ERCC6: variants seen among roughly 807,000 people sequenced by gnomAD.
The protein encoded by ERCC6 is DNA excision repair protein ERCC-6.
A neutral mutation model predicts 158.7 loss-of-function variants in ERCC6; 116 were observed. The ratio of observed to expected loss-of-function variants is 0.73; its 90% CI spans 0.63 to 0.85. ERCC6 has a LOEUF of 0.85. Among genes scored for constraint, ERCC6 ranks in the 40% least tolerant of loss-of-function variants. The probability of loss-of-function intolerance (pLI) is 0.00; values close to 1 mark genes in which losing one functional copy is unlikely to be tolerated. For synonymous variants in ERCC6, 678 were observed against 659.3 expected (o/e 1.03, Z -0.43); for missense variants, 1,698 against 1,799.4 (o/e 0.94, Z 1.02).
At chr10:49,438,109 A>T in the ERCC6 span, among the ~76,000 whole-genome samples, 1 of 152,208 alleles carries the variant, frequency 6.6e-6, no homozygotes, top group African/African-American at 2.4e-5. Context: ...CACACTGCAG[A>T]TCCAACCACA....
downstream of ERCC6, among the ~76,000 whole-genome samples, chr10:49,449,560 C>CTTTTTTTTTTT (rs71026248): frequency 8.8e-5 from 6 of 68,064 alleles, no homozygotes; most frequent in African/African-American, 3.1e-4. Flanking sequence ...ATAGTTAGGT[C>CTTTTTTTTTTT]TTTTTTTTTT....
chr10:49,523,888 C>A (rs1343310773), intron 5 of ERCC6, 145 bp downstream of exon 5: 67 of 1,204,280 alleles, frequency 5.6e-5, no homozygotes, highest in Non-Finnish European at 7.3e-5. Flanking sequence ...CTGCTTCTAG[C>A]AGGTTAAGGC....
chr10:49,443,911 T>C, the ERCC6 span, among the ~76,000 whole-genome samples: 1 of 152,182 alleles, frequency 6.6e-6, no homozygotes, highest in African/African-American at 2.4e-5. Context: ...TGTCCTCATA[T>C]CCCTGTCATT....
At chr10:49,447,186 A>G in the ERCC6 span, among the ~76,000 whole-genome samples, 1,289 of 152,364 alleles carry the variant, frequency 8.5e-3, 22 homozygotes, top group African/African-American at 0.029. Context: ...ATATCCACAA[A>G]GGAACAACTT....
In ERCC6 at chr10:49,483,054, A is replaced by T. The variant is rs56318749; in HGVS notation, c.1993-191T>A. Among the ~76,000 whole-genome samples the T allele has an allele frequency of 1.7e-3, 264 of 152,336 alleles. 1 individual carries two copies. Among genetic ancestry groups the T allele is most frequent in the African/African-American group, 6.0e-3 (250 of 41,574 alleles). On this transcript the variant is annotated intron_variant, in intron 9 of 20. Transcript: ENST00000355832. Reference sequence around the variant, plus strand: ...TTACATTTAGATGAAAAAATGAGAAAGAATTTTTTCTTATTGTTGAAGCTG... The same window carrying T: ...TTACATTTAGATGAAAAAATGAGAATGAATTTTTTCTTATTGTTGAAGCTG...
chr10:49,458,670 A>T lies in ERCC6; in HGVS notation c.*145T>A. On this transcript the variant is annotated 3_prime_UTR_variant, in exon 21 of 21. Transcript: ENST00000355832. ...TTCAGAGAAGAGTTTCTTCTTCCTT[A>T]AAGTTTTAATTCTGAGGTAGACATC... 1.3e-6 allele frequency: 1 copy of T among 773,074 alleles called. No individual in the cohort carries two copies. The highest frequency in any genetic ancestry group is 2.1e-6 in the Non-Finnish European group (1 of 473,110). 47.9% of individuals were successfully genotyped at this position (773,074 alleles called of 1,614,324 possible).
chr10:49,512,428 T>TA (rs1182995284), intron 5 of ERCC6, among the ~76,000 whole-genome samples: 1 of 152,200 alleles, frequency 6.6e-6, no homozygotes, highest in Non-Finnish European at 1.5e-5. Context: ...TAGTGCCCCC[T>TA]AGTGTGTTCA....
At position 49,469,349 on chromosome 10, in the gene ERCC6, G is replaced by A. The variant is rs772517211; in HGVS notation, c.3778+833C>T. Among the ~76,000 whole-genome samples the A allele has an allele frequency of 4.6e-5, 7 of 152,010 alleles. No homozygotes were observed. The East Asian group carries it at 9.6e-4, about 21-fold the overall frequency. On this transcript the variant is annotated intron_variant, in intron 18 of 20. Coordinates refer to ENST00000355832, the MANE Select transcript of ERCC6 (RefSeq NM_000124.4). ...CTGATAGATGCACTGAGTAAGATAC[G>A]GTATCACCTCTGTGGCATTCCTACC...
At chr10:49,445,591 G>T in the ERCC6 span, among the ~76,000 whole-genome samples, 1 of 152,176 alleles carries the variant, frequency 6.6e-6, no homozygotes, top group Non-Finnish European at 1.5e-5. Flanking sequence ...ATTAAAAAAT[G>T]TAATGGTTTC....
chr10:49,539,138 G>C (rs1222792412), upstream of ERCC6: 2 of 152,348 alleles, frequency 1.3e-5, no homozygotes, highest in African/African-American at 2.4e-5. Context: ...GCCTGGCTCA[G>C]CGTTTGTTTT....
intron 8 of ERCC6, among the ~76,000 whole-genome samples, chr10:49,489,983 T>C (rs1387077621): frequency 6.6e-6 from 1 of 152,206 alleles, no homozygotes; most frequent in Non-Finnish European, 1.5e-5. Flanking sequence ...AACAAATAAA[T>C]ATTAATCAAC....
At chr10:49,506,399 G>T in intron 5 of ERCC6, 7 of 108,362 alleles carry the variant, frequency 6.5e-5, no homozygotes, top group South Asian at 1.4e-4. Context: ...GCAATACTAT[G>T]TAACAAAAAA....
intron 5 of ERCC6, chr10:49,516,481 G>A: frequency 6.2e-7 from 1 of 1,614,156 alleles, no homozygotes. Flanking sequence ...GCACTAACCA[G>A]TACATTATGC....
Position 49,470,192 on chromosome 10 carries a change from G to A in ERCC6, c.3768C>T (p.Phe1256=). ...SNDDYVLEKL[F]KKSVGVHSVM... ...TATCAAATGGATTACCTGATTTTTT[G>A]AAAAGCTTTTCCAAAACATAATCGT... The change falls in exon 18 of 21, where the codon TTC becomes TTT. Residue 1256 remains phenylalanine (F), a synonymous_variant. Transcript: ENST00000355832. 6.2e-7 allele frequency: 1 copy of A among 1,614,018 alleles called. No individual in the cohort carries two copies. The highest frequency in any genetic ancestry group is 2.2e-5 in the East Asian group (1 of 44,876).
chr10:49,483,260 T>G (rs1224155050), intron 9 of ERCC6, 86 bp downstream of exon 9: 9 of 1,363,342 alleles, frequency 6.6e-6, no homozygotes, highest in Non-Finnish European at 9.4e-6. Flanking sequence ...AAAGATTCAA[T>G]AAATGTGTTA....
intron 7 of ERCC6, among the ~76,000 whole-genome samples, chr10:49,494,899 T>G (rs2132567249): frequency 6.6e-6 from 1 of 152,348 alleles, no homozygotes; most frequent in East Asian, 1.9e-4. Context: ...GAGCTGCTGA[T>G]CATGCTGTGT....
At chr10:49,468,093 T>G (rs914755838) in intron 18 of ERCC6, among the ~76,000 whole-genome samples, 1 of 152,178 alleles carries the variant, frequency 6.6e-6, no homozygotes, top group Non-Finnish European at 1.5e-5. Flanking sequence ...TGGCCATGGG[T>G]GAGCACCAGA....
the ERCC6 span, among the ~76,000 whole-genome samples, chr10:49,446,370 AAATT>A: frequency 1.3e-5 from 2 of 152,180 alleles, no homozygotes; most frequent in Admixed American, 6.5e-5. Context: ...GTGGTGTTTA[AAATT>A]ATTATAGCCA....
intron 5 of ERCC6, among the ~76,000 whole-genome samples, chr10:49,508,326 A>T (rs771402578): frequency 2.6e-5 from 4 of 152,188 alleles, no homozygotes; most frequent in Non-Finnish European, 5.9e-5. Flanking sequence ...CCTTAGACTT[A>T]GCCAGTCAAT....
Sources: allele counts gnomAD v4.1 joint callset (sites outside exome capture counted in the v4.1 genomes callset), GRCh38; gene constraint gnomAD v4.1.1; transcripts MANE v1.5; gene names NCBI Gene and HGNC (gene_info 2026-07-23, HGNC 2026-07-21).